The following NBEA variants were observed in gnomAD, a reference collection of about 807,000 sequenced individuals.
The protein encoded by NBEA is neurobeachin, also known as lysosomal-trafficking regulator 2.
A neutral mutation model predicts 343.4 loss-of-function variants in NBEA; 44 were observed. That is an observed-to-expected ratio of 0.13 (90% CI 0.10 to 0.16). The LOEUF (loss-of-function observed/expected upper bound fraction) is 0.16, where lower values mean the gene tolerates loss of function less well. Ranked by LOEUF, NBEA falls within the 10% of genes least tolerant of loss-of-function variation. The pLI is 1.00. For synonymous variants in NBEA, 1,175 were observed against 1,238.7 expected (o/e 0.95, Z 1.08); for missense variants, 2,555 against 3,631.3 (o/e 0.70, Z 7.62).
At chr13:34,996,831 C>T (rs2060958722) in intron 1 of NBEA, among the ~76,000 whole-genome samples, 1 of 152,084 alleles carries the variant, frequency 6.6e-6, no homozygotes, top group Non-Finnish European at 1.5e-5. Context: ...TATACATGCT[C>T]ATTGCAAATC....
rs1362063566 is a variant in NBEA at position 35,078,409 on chromosome 13, A to G, written c.1571+7557A>G. On this transcript the variant is annotated intron_variant, in intron 10 of 58. Transcript: ENST00000379939. ...TGTGTCTTCTCATTCTGGGTCCTAA[A>G]AGATTAGCTGTGATATGGAATATGT... 2.0e-5 allele frequency among the ~76,000 whole-genome samples: 3 copies of G among 152,140 alleles called. No individual in the cohort carries two copies. The East Asian group carries it at 5.8e-4, about 29-fold the overall frequency.
At chr13:35,579,812 A>C (rs1031329481) in intron 45 of NBEA, among the ~76,000 whole-genome samples, 1 of 152,116 alleles carries the variant, frequency 6.6e-6, no homozygotes, top group Non-Finnish European at 1.5e-5. Flanking sequence ...TTTTAGGAAA[A>C]CCAAGCTTTT....
At chr13:35,447,645 G>A (rs887071216) in intron 39 of NBEA, among the ~76,000 whole-genome samples, 4 of 151,998 alleles carry the variant, frequency 2.6e-5, no homozygotes, top group Non-Finnish European at 5.9e-5. Flanking sequence ...TTTAAATTTT[G>A]TGGTATTTTA....
intron 1 of NBEA, among the ~76,000 whole-genome samples, chr13:34,947,151 A>C (rs1415039764): frequency 6.6e-6 from 1 of 152,032 alleles, no homozygotes; most frequent in Non-Finnish European, 1.5e-5. Context: ...TTGGGTATGG[A>C]AAATAAAATT....
intron 36 of NBEA, among the ~76,000 whole-genome samples, chr13:35,339,336 A>C (rs1391118733): frequency 6.6e-6 from 1 of 152,106 alleles, no homozygotes; most frequent in Non-Finnish European, 1.5e-5. Flanking sequence ...ATATACAAAG[A>C]TCAATTGCAT....
chr13:35,127,337 A>G (rs907656930), intron 17 of NBEA, among the ~76,000 whole-genome samples: 11 of 152,208 alleles, frequency 7.2e-5, no homozygotes, highest in African/African-American at 2.7e-4. Context: ...TCTTGAGGAA[A>G]TTGTGGGGAA....
At chr13:34,973,616 T>A (rs536796151) in intron 1 of NBEA, among the ~76,000 whole-genome samples, 2 of 152,248 alleles carry the variant, frequency 1.3e-5, no homozygotes, top group South Asian at 2.1e-4. Flanking sequence ...TAGGTTGGTT[T>A]GGACTCTCCA....
intron 41 of NBEA, among the ~76,000 whole-genome samples, chr13:35,497,509 C>T (rs978441925): frequency 6.6e-6 from 1 of 152,006 alleles, no homozygotes; most frequent in African/African-American, 2.4e-5. Context: ...TACCTGATAT[C>T]TATAGAGTGC....
chr13:34,983,431 C>T (rs1413429589), intron 1 of NBEA, among the ~76,000 whole-genome samples: 1 of 152,130 alleles, frequency 6.6e-6, no homozygotes, highest in Non-Finnish European at 1.5e-5. Context: ...CATTGATGGA[C>T]ATTTGGGTTG....
intron 1 of NBEA, among the ~76,000 whole-genome samples, chr13:34,970,415 T>C (rs2059961864): frequency 6.6e-6 from 1 of 152,174 alleles, no homozygotes; most frequent in Non-Finnish European, 1.5e-5. Context: ...TTTGCTTTTG[T>C]TGCAGTTGCT....
At chr13:35,257,464 T>C (rs2032743288) in intron 34 of NBEA, among the ~76,000 whole-genome samples, 1 of 152,182 alleles carries the variant, frequency 6.6e-6, no homozygotes, top group South Asian at 2.1e-4. Context: ...TTTGCATTAA[T>C]TAAGAGCAGC....
chr13:35,223,962 G>A (rs185816832), intron 33 of NBEA, among the ~76,000 whole-genome samples: 1 of 152,256 alleles, frequency 6.6e-6, no homozygotes. Flanking sequence ...GTTCTGTATG[G>A]CTGTAGAACA....
At chr13:34,991,584 C>A (rs1176404798) in intron 1 of NBEA, among the ~76,000 whole-genome samples, 1 of 152,120 alleles carries the variant, frequency 6.6e-6, no homozygotes, top group Non-Finnish European at 1.5e-5. Flanking sequence ...CCTCCAACAC[C>A]GAGGATTACA....
Position 35,173,607 on chromosome 13 carries a change from T to G in NBEA, c.4554+13T>G, listed in dbSNP as rs754627179. The G allele has an allele frequency of 3.1e-5, 50 of 1,587,744 alleles. 1 individual carries two copies. In the South Asian group the frequency reaches 5.8e-4, roughly 18 times the overall value. On this transcript the variant is annotated intron_variant, in intron 27 of 58. Transcript: ENST00000379939. ...AGCAGCTTCGAAGGTAAGTAAACTTTTTTTCTTGGCCAAATATAATTTACC... is the reference window on the plus strand; with the variant it reads ...AGCAGCTTCGAAGGTAAGTAAACTTGTTTTCTTGGCCAAATATAATTTACC...
intron 1 of NBEA, among the ~76,000 whole-genome samples, chr13:34,985,115 C>T (rs2060499062): frequency 6.6e-6 from 1 of 150,954 alleles, no homozygotes; most frequent in South Asian, 2.1e-4. Context: ...TTGTCTTGTG[C>T]CAGTTTTCAA....
At chr13:35,055,513 C>G (rs925939509) in intron 6 of NBEA, among the ~76,000 whole-genome samples, 1 of 152,104 alleles carries the variant, frequency 6.6e-6, no homozygotes, top group Admixed American at 6.6e-5. Context: ...CAGATCCTTC[C>G]TGACCATGCA....
At chr13:35,493,872 A>G (rs906328296) in intron 41 of NBEA, among the ~76,000 whole-genome samples, 3 of 151,896 alleles carry the variant, frequency 2.0e-5, no homozygotes, top group Admixed American at 1.3e-4. Flanking sequence ...ACCTTCCTGA[A>G]AAGTTAGCAT....
intron 13 of NBEA, among the ~76,000 whole-genome samples, chr13:35,111,356 T>C (rs1223485429): frequency 1.3e-5 from 2 of 152,014 alleles, no homozygotes; most frequent in African/African-American, 2.4e-5. Context: ...AAATTTATCC[T>C]TTGTTCTGAC....
chr13:35,351,705 A>AT (rs1423524344), intron 37 of NBEA, among the ~76,000 whole-genome samples: 1 of 151,992 alleles, frequency 6.6e-6, no homozygotes, highest in Non-Finnish European at 1.5e-5. Flanking sequence ...GAATTCCTAA[A>AT]TGACCACATT....
Sources: allele counts gnomAD v4.1 joint callset (sites outside exome capture counted in the v4.1 genomes callset), GRCh38; gene constraint gnomAD v4.1.1; transcripts MANE v1.5; gene names NCBI Gene and HGNC (gene_info 2026-07-23, HGNC 2026-07-21).